ABTB2: variants seen among roughly 807,000 people sequenced by gnomAD.
ABTB2 encodes ankyrin repeat and BTB/POZ domain-containing protein 2.
In ABTB2, 56 loss-of-function variants were observed where a neutral mutation model predicts 104.1. The observed-to-expected ratio is 0.54, with a 90% CI of 0.43 to 0.67. The LOEUF (loss-of-function observed/expected upper bound fraction) is 0.67. ABTB2 is among the 30% of genes least tolerant of loss of function. The pLI, the probability that ABTB2 is intolerant of heterozygous loss-of-function variation, is 0.00. For missense variants in ABTB2, 1,279 were observed against 1,407.7 expected (o/e 0.91, Z 1.46); for synonymous variants, 606 against 608.2 (o/e 1.00, Z 0.05).
At chr11:34,297,270 GCTCT>G (rs1238181406) in intron 1 of ABTB2, among the ~76,000 whole-genome samples, 1 of 151,900 alleles carries the variant, frequency 6.6e-6, no homozygotes, top group Non-Finnish European at 1.5e-5. Flanking sequence ...CCTAGAGCTT[GCTCT>G]CTCTCTCTCC....
rs1026578449 is a variant in ABTB2, at chr11:34,252,048, C to T, written c.884-47358G>A. Among the ~76,000 whole-genome samples, 1 of 152,140 alleles carries T rather than the reference C, an allele frequency of 6.6e-6. No individual in the cohort carries two copies. The highest frequency in any genetic ancestry group is 1.5e-5 in the Non-Finnish European group (1 of 68,014). On this transcript the variant is annotated intron_variant, in intron 1 of 16. Transcript: ENST00000435224. This position sits in a 1 kb window ranked among gnomAD's most constrained non-coding sequence, Gnocchi z 5.5. ...CACTCCCATCCCCTCCACCCAGGGG[C>T]TTGCAATCCCAGGGAAGAGGAGAGT...
At chr11:34,193,717 A>G (rs1227024343) in intron 3 of ABTB2, among the ~76,000 whole-genome samples, 1 of 152,206 alleles carries the variant, frequency 6.6e-6, no homozygotes, top group East Asian at 1.9e-4. Context: ...ACTTAGCCCC[A>G]TTTTACAGGT....
chr11:34,300,492 C>T (rs1187440707), intron 1 of ABTB2, among the ~76,000 whole-genome samples: 3 of 152,148 alleles, frequency 2.0e-5, no homozygotes, highest in South Asian at 2.1e-4. Context: ...TTAATATAAA[C>T]GAGAAGCCTG....
chr11:34,250,692 C>T (rs1176408329), intron 1 of ABTB2, among the ~76,000 whole-genome samples: 2 of 152,184 alleles, frequency 1.3e-5, no homozygotes, highest in Non-Finnish European at 2.9e-5. Context: ...CCTCAGAAGC[C>T]TTCACTAAGT....
At chr11:34,335,963 A>G (rs965592900) in intron 1 of ABTB2, 2 of 617,228 alleles carry the variant, frequency 3.2e-6, no homozygotes, top group African/African-American at 1.8e-5. Context: ...CCTGGGAGAT[A>G]GGAAAACAGT....
intron 1 of ABTB2, among the ~76,000 whole-genome samples, chr11:34,275,765 A>G (rs1464699082): frequency 6.6e-6 from 1 of 152,196 alleles, no homozygotes; most frequent in African/African-American, 2.4e-5. Flanking sequence ...ACTAAGGAAT[A>G]ATAATACACT....
intron 1 of ABTB2, among the ~76,000 whole-genome samples, chr11:34,336,576 G>C (rs1036815040): frequency 2.0e-5 from 3 of 152,044 alleles, no homozygotes; most frequent in African/African-American, 7.2e-5. Flanking sequence ...CCAGGAGTTT[G>C]AGGTTGTCAT....
At position 34,152,391 on chromosome 11, in the gene ABTB2, AC is replaced by A; in HGVS notation, c.3073del (p.Val1025CysfsTer72). 6.4e-7 allele frequency: 1 copy of A among 1,563,110 alleles called. No individual in the cohort carries two copies. The highest frequency in any genetic ancestry group is 2.4e-5 in the East Asian group (1 of 42,432). ...CGGCAGCCTCCGCCCCCTGCCTCAC[AC>A]CCGGGAGGTGATGTAGACAGAGTGC... ...RVHSVYITSR[V>X] is the part of the protein sequence containing the mutation. On this transcript the variant is annotated frameshift_variant, in exon 17 of 17. Transcript: ENST00000435224. LOFTEE classifies it high-confidence loss of function.
At chr11:34,227,279 A>G (rs1460376299) in intron 1 of ABTB2, among the ~76,000 whole-genome samples, 2 of 146,210 alleles carry the variant, frequency 1.4e-5, no homozygotes, top group Non-Finnish European at 3.0e-5. Flanking sequence ...ATCTCAAAAA[A>G]AAAAAAGAAA....
At chr11:34,152,865 T>G (rs2132996551) in intron 16 of ABTB2, among the ~76,000 whole-genome samples, 1 of 152,354 alleles carries the variant, frequency 6.6e-6, no homozygotes, top group African/African-American at 2.4e-5. Context: ...GAACGGGGAC[T>G]GTCCACCACT....
At chr11:34,251,457 G>C (rs1854055730) in intron 1 of ABTB2, among the ~76,000 whole-genome samples, 1 of 152,164 alleles carries the variant, frequency 6.6e-6, no homozygotes, top group South Asian at 2.1e-4. Flanking sequence ...GAAATGCTAG[G>C]GTGGCTGGCT....
chr11:34,155,025 C>A (rs185679993), intron 14 of ABTB2, among the ~76,000 whole-genome samples: 61 of 152,354 alleles, frequency 4.0e-4, no homozygotes, highest in Middle Eastern at 3.4e-3. Context: ...CTACAATCCT[C>A]ATGAGAACAC....
At chr11:34,353,379 G>A (rs2133130869) in intron 1 of ABTB2, among the ~76,000 whole-genome samples, 1 of 152,292 alleles carries the variant, frequency 6.6e-6, no homozygotes, top group East Asian at 1.9e-4. Context: ...GAGGGAGAGA[G>A]AGGAGAGAGG....
intron 3 of ABTB2, among the ~76,000 whole-genome samples, chr11:34,178,906 T>C (rs931815462): frequency 5.3e-5 from 8 of 151,860 alleles, no homozygotes; most frequent in Non-Finnish European, 1.0e-4. Flanking sequence ...CAAAACCCCA[T>C]CTCTACTAAA....
chr11:34,214,552 TTTTTA>T (rs1411037159), intron 1 of ABTB2, among the ~76,000 whole-genome samples: 11 of 140,752 alleles, frequency 7.8e-5, no homozygotes, highest in Admixed American at 2.9e-4. Flanking sequence ...TTTTTTTTTT[TTTTTA>T]AAGTCAGGTT....
chr11:34,166,354 G>A (rs1163974405), intron 7 of ABTB2, among the ~76,000 whole-genome samples: 10 of 152,254 alleles, frequency 6.6e-5, no homozygotes, highest in Non-Finnish European at 1.5e-4. Context: ...GTGGAGGCGG[G>A]GGCCTGCTCA....
intron 1 of ABTB2, among the ~76,000 whole-genome samples, chr11:34,355,545 ATTAAGGG>A (rs1855455660): frequency 2.0e-5 from 3 of 152,200 alleles, no homozygotes; most frequent in Admixed American, 2.0e-4. Context: ...ATGACGACAC[ATTAAGGG>A]TTATTTTGCA....
rs143891153 is a variant in ABTB2, at chr11:34,245,003, G to A, written c.884-40313C>T. ...AGTCTGGATGACAGAGTGAGAACCT[G>A]TCTCAAAAAATTTTCAAAAAAAGAA... On this transcript the variant is annotated intron_variant, in intron 1 of 16. Transcript: ENST00000435224. Among the ~76,000 whole-genome samples, 1,298 of 152,192 alleles carry A rather than the reference G, an allele frequency of 8.5e-3. 15 individuals are homozygous for A. Among genetic ancestry groups the A allele is most frequent in the African/African-American group, 0.027 (1,110 of 41,518 alleles).
chr11:34,176,841 G>T (rs7950979), intron 3 of ABTB2, among the ~76,000 whole-genome samples: 2 of 151,640 alleles, frequency 1.3e-5, no homozygotes, highest in Admixed American at 1.3e-4. Context: ...GAGATTCTAT[G>T]GGGGGATCTT....
Sources: allele counts gnomAD v4.1 joint callset (sites outside exome capture counted in the v4.1 genomes callset), GRCh38; gene constraint gnomAD v4.1.1; non-coding constraint Gnocchi (gnomAD v3.1); transcripts MANE v1.5; gene names NCBI Gene and HGNC (gene_info 2026-07-23, HGNC 2026-07-21).